ADARB2: variants seen among roughly 807,000 people sequenced by gnomAD.
ADARB2 encodes adenosine deaminase RNA specific B2 (inactive).
In ADARB2, 25 loss-of-function variants were observed where a neutral mutation model predicts 62.2. The observed-to-expected ratio is 0.40, with a 90% CI of 0.29 to 0.56. The LOEUF is 0.56. Ranked by LOEUF, ADARB2 falls within the 20% of genes least tolerant of loss-of-function variation. The pLI is 0.43. For missense variants in ADARB2, 1,071 were observed against 1,077.4 expected, an observed-to-expected ratio of 0.99 and a Z score of 0.08; for synonymous variants, 572 against 500.8, an observed-to-expected ratio of 1.14 and a Z score of -1.90.
At chr10:1,381,173 TAC>T (rs57463053) in intron 1 of ADARB2, among the ~76,000 whole-genome samples, 132,577 of 151,544 alleles carry the variant, frequency 0.87, 59,261 homozygotes, top group East Asian at 0.99. Flanking sequence ...TTTGTGCATA[TAC>T]ACACACACAC....
At chr10:1,667,470 T>G (rs1023230275) in intron 1 of ADARB2, among the ~76,000 whole-genome samples, 33 of 152,230 alleles carry the variant, frequency 2.2e-4, no homozygotes, top group Admixed American at 6.5e-5. Flanking sequence ...ATATTTTAAT[T>G]TCATAGATCA....
chr10:1,672,548 G>T (rs1255473435), intron 1 of ADARB2, among the ~76,000 whole-genome samples: 1 of 152,018 alleles, frequency 6.6e-6, no homozygotes, highest in Admixed American at 6.6e-5. Context: ...TGCAGGCCTC[G>T]CGCAGCTCCT....
At chr10:1,259,559 T>C (rs1451202517) in intron 4 of ADARB2, among the ~76,000 whole-genome samples, 1 of 152,160 alleles carries the variant, frequency 6.6e-6, no homozygotes, top group African/African-American at 2.4e-5. Context: ...AAGAAATGGA[T>C]AAATTCCTCG....
intron 7 of ADARB2, among the ~76,000 whole-genome samples, chr10:1,211,890 T>C (rs370152252): frequency 1.3e-5 from 2 of 152,256 alleles, no homozygotes; most frequent in East Asian, 3.8e-4. Context: ...TATATTTAGT[T>C]CTAAGTTTAT....
Position 1,363,655 on chromosome 10 carries a change from C to G in ADARB2, c.450G>C (p.Pro150=). 6.2e-7 allele frequency: 1 copy of G among 1,607,666 alleles called. No individual in the cohort carries two copies. The highest frequency in any genetic ancestry group is 1.1e-5 in the South Asian group (1 of 90,676). Residue 150 remains proline, a synonymous_variant, in exon 3 of 10, where the codon CCG becomes CCC. Coordinates refer to ENST00000381312, the MANE Select transcript of ADARB2 (RefSeq NM_018702.4). ...CTACCGCGAAGACCGGGGCATGCAC[C>G]GGGCCCGTCTGCGACACTGTCCGGT... ...LQYRTVSQTG[P]VHAPVFAVAV...
At chr10:1,318,240 G>A (rs1831759438) in intron 3 of ADARB2, among the ~76,000 whole-genome samples, 2 of 152,212 alleles carry the variant, frequency 1.3e-5, no homozygotes, top group African/African-American at 4.8e-5. Context: ...AGTCACAGGT[G>A]ACGGATCCTG....
At chr10:1,489,587 G>A (rs1486349390) in intron 1 of ADARB2, among the ~76,000 whole-genome samples, 1 of 152,208 alleles carries the variant, frequency 6.6e-6, no homozygotes, top group African/African-American at 2.4e-5. Flanking sequence ...GTCAATCTCA[G>A]AGTTTTTTAA....
At chr10:1,597,576 G>C (rs192952243) in intron 1 of ADARB2, among the ~76,000 whole-genome samples, 1 of 152,120 alleles carries the variant, frequency 6.6e-6, no homozygotes, top group Non-Finnish European at 1.5e-5. Flanking sequence ...ATGGGACATC[G>C]TCTCACACCA....
intron 7 of ADARB2, among the ~76,000 whole-genome samples, chr10:1,205,752 G>T (rs1364158686): frequency 6.6e-6 from 1 of 152,276 alleles, no homozygotes; most frequent in Non-Finnish European, 1.5e-5. Flanking sequence ...AAGAGGAGCG[G>T]ATTCCTGTCG....
chr10:1,543,395 CG>C (rs1429486740), intron 1 of ADARB2, among the ~76,000 whole-genome samples: 1 of 152,196 alleles, frequency 6.6e-6, no homozygotes, highest in African/African-American at 2.4e-5. Flanking sequence ...GAATAGCAGA[CG>C]GGGACAACAA....
At chr10:1,266,985 A>G (rs1831210672) in intron 4 of ADARB2, among the ~76,000 whole-genome samples, 2 of 152,196 alleles carry the variant, frequency 1.3e-5, no homozygotes, top group African/African-American at 4.8e-5. Flanking sequence ...TTTAAAAGTA[A>G]AAGCAGAAAA....
chr10:1,282,374 A>G (rs1158431025), intron 3 of ADARB2, among the ~76,000 whole-genome samples: 1 of 152,230 alleles, frequency 6.6e-6, no homozygotes, highest in Non-Finnish European at 1.5e-5. Context: ...CTCTCCACAG[A>G]ACTGTGTCTA....
At chr10:1,691,184 G>A (rs1265145851) in intron 1 of ADARB2, among the ~76,000 whole-genome samples, 8 of 152,146 alleles carry the variant, frequency 5.3e-5, no homozygotes, top group African/African-American at 1.9e-4. Flanking sequence ...GATAAGAAGA[G>A]GAGATTGGGG....
chr10:1,254,682 G>A (rs1048292072), intron 4 of ADARB2, among the ~76,000 whole-genome samples: 1 of 152,268 alleles, frequency 6.6e-6, no homozygotes, highest in African/African-American at 2.4e-5. Flanking sequence ...ACCTGGCTGT[G>A]TGATGTCATT....
rs934329679 is a variant in ADARB2 at position 1,375,819 on chromosome 10, A to ACACACACGTG, written c.187+3254_187+3255insCACGTGTGTG. On this transcript the variant is annotated intron_variant, in intron 2 of 9. Transcript: ENST00000381312. ...ACGCACACACACACCACACACATGC[A>ACACACACGTG]CACACACACGTGCACACACCGCACA... Among the ~76,000 whole-genome samples, 10 of 12,720 alleles carry ACACACACGTG rather than the reference A, an allele frequency of 7.9e-4. No homozygotes were observed. The Non-Finnish European group carries it at 0.025, about 31-fold the overall frequency. The allele number at this position is 12,720 out of a possible 152,430, so 8.3% of individuals were successfully genotyped here. A position where few individuals can be genotyped will look rare whatever the true frequency, so the allele number is the denominator to read the frequency against.
intron 1 of ADARB2, among the ~76,000 whole-genome samples, chr10:1,646,841 C>T (rs1834049557): frequency 6.6e-6 from 1 of 152,226 alleles, no homozygotes; most frequent in African/African-American, 2.4e-5. Flanking sequence ...TGTGTGCTCA[C>T]CACAAGACAC....
At chr10:1,529,335 C>A in intron 1 of ADARB2, among the ~76,000 whole-genome samples, 1 of 152,060 alleles carries the variant, frequency 6.6e-6, no homozygotes, top group Non-Finnish European at 1.5e-5. Context: ...ATGCACCATC[C>A]CCAACACAAA....
chr10:1,645,572 G>A (rs1214491148), intron 1 of ADARB2, among the ~76,000 whole-genome samples: 1 of 152,200 alleles, frequency 6.6e-6, no homozygotes, highest in African/African-American at 2.4e-5. Context: ...GTCTAAGGAT[G>A]CCTCAGTCAC....
In ADARB2 at chr10:1,472,172, C is replaced by T. The variant is rs556525755; in HGVS notation, c.101-93012G>A. Among the ~76,000 whole-genome samples, 5 of 152,286 alleles carry T rather than the reference C, an allele frequency of 3.3e-5. No homozygotes were observed. In the South Asian group the frequency reaches 1.0e-3, roughly 32 times the overall value. On this transcript the variant is annotated intron_variant, in intron 1 of 9. Transcript: ENST00000381312. ...TCTTGCTGCTTCTTTACAGCAAACTCATGTTGATGCTAAGCACAATGGCCG... is the reference window on the plus strand; with the variant it reads ...TCTTGCTGCTTCTTTACAGCAAACTTATGTTGATGCTAAGCACAATGGCCG...
Sources: gnomAD v4.1 joint callset for allele counts (sites outside exome capture counted in the v4.1 genomes callset) on GRCh38, gnomAD v4.1.1 for gene constraint, MANE v1.5 for transcripts, NCBI Gene and HGNC (gene_info 2026-07-23, HGNC 2026-07-21) for gene names.